Variants in PHF21A observed in about 807,000 individuals in gnomAD.
PHF21A encodes PHD finger protein 21A, also known as BHC80a.
In PHF21A, 11 loss-of-function variants were observed where a neutral mutation model predicts 82.5. The ratio of observed to expected loss-of-function variants is 0.13; its 90% CI spans 0.08 to 0.22. The LOEUF is 0.22. PHF21A is among the 10% of genes least tolerant of loss of function. The probability of loss-of-function intolerance (pLI) is 1.00; values close to 1 mark genes in which losing one functional copy is unlikely to be tolerated. For missense variants in PHF21A, 579 were observed against 837.8 expected, an observed-to-expected ratio of 0.69 and a Z score of 3.81; for synonymous variants, 297 against 302.8, an observed-to-expected ratio of 0.98 and a Z score of 0.20.
chr11:46,085,498 A>T (rs1314662366), intron 3 of PHF21A, among the ~76,000 whole-genome samples: 4 of 152,142 alleles, frequency 2.6e-5, no homozygotes, highest in Admixed American at 1.3e-4. Flanking sequence ...CTTAGACATG[A>T]TTTTAGGTAC....
intron 4 of PHF21A, 79 bp downstream of exon 4, chr11:46,084,087 A>G (rs1162465255): frequency 3.8e-6 from 4 of 1,059,534 alleles, no homozygotes; most frequent in Middle Eastern, 4.1e-4. Context: ...AAACTATACT[A>G]AACACCAGAG....
intron 14 of PHF21A, among the ~76,000 whole-genome samples, chr11:45,946,923 A>G (rs1306918516): frequency 3.9e-5 from 6 of 152,194 alleles, no homozygotes; most frequent in African/African-American, 1.4e-4. Flanking sequence ...AGTAGCTGAA[A>G]CCTAAGAGCT....
At chr11:46,107,928 G>C (rs1049725364) in intron 1 of PHF21A, among the ~76,000 whole-genome samples, 1 of 152,126 alleles carries the variant, frequency 6.6e-6, no homozygotes, top group Non-Finnish European at 1.5e-5. Flanking sequence ...AGGGATAGGT[G>C]ATGGGGATGA....
chr11:45,965,498 G>A lies in PHF21A; in HGVS notation c.813C>T (p.Thr271=). Residue 271 remains threonine, a synonymous_variant, in exon 10 of 19, where the codon ACC becomes ACT. Transcript: ENST00000676320. The part of the protein sequence containing the change: ...IQRPVMLTKF[T]PTTLPTSQNS... ...TCTGGGATGTGGGAAGGGTTGTGGG[G>A]GTGAACTTGGTCAGCATGACGGGCC... 1.2e-6 allele frequency: 2 copies of A among 1,613,408 alleles called. No individual in the cohort carries two copies. Among genetic ancestry groups the A allele is most frequent in the Non-Finnish European group, 1.7e-6 (2 of 1,179,608 alleles).
intron 6 of PHF21A, among the ~76,000 whole-genome samples, chr11:46,054,299 C>T (rs1472803861): frequency 6.6e-6 from 1 of 152,050 alleles, no homozygotes; most frequent in African/African-American, 2.4e-5. Flanking sequence ...TCTTCTCTAG[C>T]AAGATTCAAA....
intron 10 of PHF21A, among the ~76,000 whole-genome samples, chr11:45,955,357 G>A (rs2092555765): frequency 1.3e-5 from 2 of 152,036 alleles, no homozygotes; most frequent in South Asian, 4.2e-4. Flanking sequence ...AAACACCAGT[G>A]GGAAAGTAGT....
At chr11:46,104,494 T>C (rs2097132586) in intron 1 of PHF21A, among the ~76,000 whole-genome samples, 1 of 152,158 alleles carries the variant, frequency 6.6e-6, no homozygotes, top group Non-Finnish European at 1.5e-5. Flanking sequence ...ACTGACATAT[T>C]CCCATGTATT....
chr11:46,117,670 T>C (rs1004364109), intron 1 of PHF21A, among the ~76,000 whole-genome samples: 1 of 152,250 alleles, frequency 6.6e-6, no homozygotes, highest in Non-Finnish European at 1.5e-5. Context: ...ATAACAAGGC[T>C]TAAAGCCCTA....
At chr11:46,029,955 T>G (rs1269150190) in intron 6 of PHF21A, among the ~76,000 whole-genome samples, 1 of 152,222 alleles carries the variant, frequency 6.6e-6, no homozygotes, top group Non-Finnish European at 1.5e-5. Context: ...AGACATAATT[T>G]GGATAGTCTT....
At chr11:45,958,901 C>G (rs553731369) in intron 10 of PHF21A, among the ~76,000 whole-genome samples, 1 of 152,152 alleles carries the variant, frequency 6.6e-6, no homozygotes, top group East Asian at 1.9e-4. Context: ...CTGGGTAACA[C>G]AGCAAGACCC....
At chr11:45,956,388 C>T (rs1050153735) in intron 10 of PHF21A, among the ~76,000 whole-genome samples, 1 of 152,066 alleles carries the variant, frequency 6.6e-6, no homozygotes, top group Non-Finnish European at 1.5e-5. Flanking sequence ...TAATTTGTGA[C>T]AGTAACAACA....
rs978400891 is a variant in PHF21A at position 45,931,127 on chromosome 11, T to G, written c.*2841A>C. On this transcript the variant is annotated 3_prime_UTR_variant, in exon 19 of 19. Coordinates refer to ENST00000676320, the MANE Select transcript of PHF21A (RefSeq NM_001352027.3). ...AGCCCAGCTGCAGGCGAGGTCAGAA[T>G]GTACCCGACACTGCTGAGGGCGGCA... 2 of 152,288 alleles carry G rather than the reference T, an allele frequency of 1.3e-5. No individual in the cohort carries two copies. The highest frequency in any genetic ancestry group is 6.5e-5 in the Admixed American group (1 of 15,278). 9.4% of individuals were successfully genotyped at this position (152,288 alleles called of 1,614,324 possible). A position where few individuals can be genotyped will look rare whatever the true frequency, so the allele number is the denominator to read the frequency against.
intron 11 of PHF21A, 145 bp from the exon 12 acceptor site, chr11:45,950,402 T>C (rs17789460): frequency 0.014 from 7,772 of 563,578 alleles, 238 homozygotes; most frequent in Admixed American, 0.099. Context: ...TAAGCAGCCA[T>C]GGAGATCCTC....
intron 6 of PHF21A, among the ~76,000 whole-genome samples, chr11:46,074,654 C>G (rs2134894241): frequency 6.6e-6 from 1 of 152,294 alleles, no homozygotes; most frequent in African/African-American, 2.4e-5. Flanking sequence ...TGGCATGTGC[C>G]ACTACACCCG....
chr11:46,091,852 C>T (rs1001885469), intron 2 of PHF21A, among the ~76,000 whole-genome samples: 1 of 152,010 alleles, frequency 6.6e-6, no homozygotes, highest in African/African-American at 2.4e-5. Flanking sequence ...CTGGGCCTGG[C>T]TGGGAATCTG....
chr11:46,070,957 G>C (rs2096650174), intron 6 of PHF21A, among the ~76,000 whole-genome samples: 1 of 152,122 alleles, frequency 6.6e-6, no homozygotes, highest in African/African-American at 2.4e-5. Context: ...CTATTAATGT[G>C]ATATAGCCTT....
At chr11:46,087,831 C>T (rs1281379857) in intron 3 of PHF21A, among the ~76,000 whole-genome samples, 1 of 152,196 alleles carries the variant, frequency 6.6e-6, no homozygotes, top group Non-Finnish European at 1.5e-5. Context: ...TCACGGCTCA[C>T]TGCAGCCTCA....
rs1052191425 is a variant in PHF21A, at chr11:45,933,729, G to A, written c.*239C>T. ...TTTCACTTGGCATGGTGCTGGCAAA[G>A]AACCTCCAGCTGGCACTATTTCATG... On this transcript the variant is annotated 3_prime_UTR_variant, in exon 19 of 19. Transcript: ENST00000676320. 8 of 404,734 alleles carry A rather than the reference G, an allele frequency of 2.0e-5. No individual in the cohort carries two copies. Among genetic ancestry groups the A allele is most frequent in the Non-Finnish European group, 2.6e-5 (6 of 230,308 alleles). 25.1% of individuals were successfully genotyped at this position (404,734 alleles called of 1,614,324 possible).
chr11:45,989,486 C>T (rs1190584638), intron 6 of PHF21A, among the ~76,000 whole-genome samples: 1 of 56,534 alleles, frequency 1.8e-5, no homozygotes, highest in Non-Finnish European at 3.2e-5. Context: ...AACCCCATCT[C>T]TACTAAAAAA....
Sources: allele counts gnomAD v4.1 joint callset (sites outside exome capture counted in the v4.1 genomes callset), GRCh38; gene constraint gnomAD v4.1.1; transcripts MANE v1.5; gene names NCBI Gene and HGNC (gene_info 2026-07-23, HGNC 2026-07-21).